Variants in AQR observed in about 807,000 individuals in gnomAD.
AQR encodes aquarius intron-binding spliceosomal factor, also known as RNA helicase aquarius.
AQR carries 61 observed loss-of-function variants against 180.5 expected under a neutral mutation model. That is an observed-to-expected ratio of 0.34 (90% CI 0.28 to 0.42). The LOEUF (loss-of-function observed/expected upper bound fraction) is 0.42. Ranked by LOEUF, AQR falls within the 10% of genes least tolerant of loss-of-function variation. The probability of loss-of-function intolerance (pLI) is 1.00; values close to 1 mark genes in which losing one functional copy is unlikely to be tolerated. For synonymous variants in AQR, 551 were observed against 588.8 expected (o/e 0.94, Z 0.93); for missense variants, 1,281 against 1,798.3 (o/e 0.71, Z 5.20).
intron 7 of AQR, among the ~76,000 whole-genome samples, chr15:34,941,553 A>G (rs926826649): frequency 6.6e-6 from 1 of 152,216 alleles, no homozygotes; most frequent in African/African-American, 2.4e-5. Context: ...AAGCATTACA[A>G]TGAAATCTGA....
Position 34,853,939 on chromosome 15 carries a change from T to A in AQR, c.*2853A>T, listed in dbSNP as rs1357180. 0.74 allele frequency: 112,631 copies of A among 151,998 alleles called. 42,028 individuals are homozygous for A. The highest frequency in any genetic ancestry group is 0.8 in the Middle Eastern group (236 of 294). 9.4% of individuals were successfully genotyped at this position (151,998 alleles called of 1,614,324 possible). The stretch of plus-strand genomic sequence containing the variant: ...AGTCCAAAGTGTGTTTTATAATATC[T>A]TGCTGTCTCTTGATCATTACAAAAT... On this transcript the variant is annotated 3_prime_UTR_variant, in exon 35 of 35. Transcript: ENST00000156471.
At position 34,893,606 on chromosome 15, in the gene AQR, T is replaced by TGCACGCAC. The variant is rs552071481; in HGVS notation, c.2571+56_2571+57insGTGCGTGC. On this transcript the variant is annotated intron_variant, in intron 23 of 34. Coordinates refer to ENST00000156471, the MANE Select transcript of AQR (RefSeq NM_014691.3). ...GCATACCCATGTGCATGCGCATGCG[T>TGCACGCAC]GCACACACACACACACACACACACA... 816 of 824,226 alleles carry TGCACGCAC rather than the reference T, an allele frequency of 9.9e-4. 1 individual carries two copies. The highest frequency in any genetic ancestry group is 8.3e-3 in the East Asian group (249 of 30,154). 51.1% of individuals were successfully genotyped at this position (824,226 alleles called of 1,614,324 possible). A position where few individuals can be genotyped will look rare whatever the true frequency, so the allele number is the denominator to read the frequency against.
intron 34 of AQR, among the ~76,000 whole-genome samples, chr15:34,859,047 G>C (rs1234243916): frequency 6.6e-6 from 1 of 152,138 alleles, no homozygotes; most frequent in Non-Finnish European, 1.5e-5. Context: ...AATCATAAAA[G>C]AACACTTTGA....
At position 34,959,890 on chromosome 15, in the gene AQR, C is replaced by A. The variant is rs1047553507; in HGVS notation, c.173+884G>T. On this transcript the variant is annotated intron_variant, in intron 3 of 34. Transcript: ENST00000156471. ...GTGCAGTGGCTAATGCCTGTAATCC[C>A]AGCACTTTGGAAGGCCAAGGCAGGT... Among the ~76,000 whole-genome samples the A allele has an allele frequency of 2.0e-4, 30 of 152,226 alleles. 1 individual carries two copies. The highest frequency in any genetic ancestry group is 6.0e-4 in the African/African-American group (25 of 41,466).
intron 32 of AQR, among the ~76,000 whole-genome samples, chr15:34,866,380 G>A (rs1892738680): frequency 6.6e-6 from 1 of 152,054 alleles, no homozygotes; most frequent in Non-Finnish European, 1.5e-5. Context: ...TGGGATAAAG[G>A]TATTTTTGCT....
chr15:34,929,342 A>C (rs1893813857), intron 12 of AQR, among the ~76,000 whole-genome samples: 1 of 152,094 alleles, frequency 6.6e-6, no homozygotes, highest in African/African-American at 2.4e-5. Flanking sequence ...TTAAGTCTTT[A>C]ATCCACCTTG....
rs769594051 is a variant in AQR, at chr15:34,862,882, G to A, written c.4014C>T (p.Phe1338=). 6.2e-7 allele frequency: 1 copy of A among 1,613,604 alleles called. No individual in the cohort carries two copies. The highest frequency in any genetic ancestry group is 1.1e-5 in the South Asian group (1 of 91,068). The change falls in exon 33 of 35, where the codon TTC becomes TTT. Residue 1338 remains phenylalanine, a synonymous_variant. Coordinates refer to ENST00000156471, the MANE Select transcript of AQR (RefSeq NM_014691.3). The part of the protein sequence containing the change: ...LHLHIIPTEP[F]PTTRKNGERP... ...GAAGTCCTACCTTTCTAGTAGTTGG[G>A]AAAGGTTCTGTTGGAATTATATGCA...
chr15:34,951,552 T>G (rs1036199387), intron 4 of AQR, among the ~76,000 whole-genome samples: 1 of 151,100 alleles, frequency 6.6e-6, no homozygotes, highest in South Asian at 2.1e-4. Flanking sequence ...ACACCTGTAA[T>G]CCCAGCTACT....
intron 18 of AQR, 150 bp from the exon 19 acceptor site, chr15:34,904,655 C>T: frequency 3.0e-6 from 2 of 657,802 alleles, no homozygotes; most frequent in East Asian, 6.2e-5. Context: ...TCCACTCACC[C>T]ACTTCAAATT....
At chr15:34,946,578 TG>T (rs1203741907) in intron 5 of AQR, among the ~76,000 whole-genome samples, 9 of 111,228 alleles carry the variant, frequency 8.1e-5, no homozygotes, top group South Asian at 6.1e-4. Flanking sequence ...GGGAGGGAGG[TG>T]GGGGGGGTCA....
At chr15:34,952,607 C>T (rs985988567) in intron 4 of AQR, among the ~76,000 whole-genome samples, 3 of 152,256 alleles carry the variant, frequency 2.0e-5, no homozygotes, top group Middle Eastern at 6.8e-3. Context: ...AATTTATTTC[C>T]ACTGATCACT....
intron 24 of AQR, among the ~76,000 whole-genome samples, chr15:34,888,761 A>C (rs1355217095): frequency 6.6e-6 from 1 of 152,192 alleles, no homozygotes; most frequent in African/African-American, 2.4e-5. Flanking sequence ...ACTAGCAAAA[A>C]GTTGTTTTAG....
chr15:34,954,193 A>C (rs968792381), intron 3 of AQR, among the ~76,000 whole-genome samples: 3 of 151,422 alleles, frequency 2.0e-5, no homozygotes, highest in Non-Finnish European at 4.4e-5. Context: ...CTAGGATTAC[A>C]GGCGTGAGCT....
In AQR at chr15:34,904,377, T is replaced by A; in HGVS notation, c.1960A>T (p.Asn654Tyr). The change falls in exon 19 of 35, where the codon AAT becomes TAT. Residue 654 changes from asparagine to tyrosine, a missense_variant. This residue lies in a region of AQR where 200 missense variants were observed against 293.4 expected (regional missense o/e 0.68). Coordinates refer to ENST00000156471, the MANE Select transcript of AQR (RefSeq NM_014691.3). ...TTTGGTTTTCTCCTCATTATTATAT[T>A]AAAAGTTTCATACACATCCTCTGCT... ...NGAEDVYETF[N>Y]IIMRRKPKEN... The A allele has an allele frequency of 6.2e-7, 1 of 1,605,766 alleles. No homozygotes were observed. The highest frequency in any genetic ancestry group is 8.5e-7 in the Non-Finnish European group (1 of 1,176,180).
chr15:34,917,217 G>A (rs1263553259), intron 15 of AQR, among the ~76,000 whole-genome samples: 1 of 152,176 alleles, frequency 6.6e-6, no homozygotes, highest in Middle Eastern at 3.4e-3. Flanking sequence ...TAGTGCACTG[G>A]GTCTATCGGA....
chr15:34,856,403 A>T lies in AQR; in HGVS notation c.*389T>A. On this transcript the variant is annotated 3_prime_UTR_variant, in exon 35 of 35. Transcript: ENST00000156471. The stretch of plus-strand genomic sequence containing the variant: ...ATTTGATAGTATAACAGAAGAAACA[A>T]GTTCCTTCCCAATTTGGACACTCAA... 1 of 397,424 alleles carries T rather than the reference A, an allele frequency of 2.5e-6. No homozygotes were observed. Among genetic ancestry groups the T allele is most frequent in the Non-Finnish European group, 4.4e-6 (1 of 225,806 alleles). 24.6% of individuals were successfully genotyped at this position (397,424 alleles called of 1,614,324 possible).
Position 34,944,442 on chromosome 15 carries a change from G to C in AQR, c.331-14C>G, listed in dbSNP as rs1015217806. On this transcript the variant is annotated splice_polypyrimidine_tract_variant and intron_variant, in intron 5 of 34. Coordinates refer to ENST00000156471, the MANE Select transcript of AQR (RefSeq NM_014691.3). Reference sequence around the variant, plus strand: ...CTTCTTAAAAATCTGAAAAGAAACAGAATAAAATTCATTTTGTATTGGCTT... The same window carrying C: ...CTTCTTAAAAATCTGAAAAGAAACACAATAAAATTCATTTTGTATTGGCTT... 1.9e-6 allele frequency: 3 copies of C among 1,585,140 alleles called. No individual in the cohort carries two copies. Among genetic ancestry groups the C allele is most frequent in the Admixed American group, 3.8e-5 (2 of 52,598 alleles).
intron 3 of AQR, among the ~76,000 whole-genome samples, chr15:34,955,875 C>G (rs886806754): frequency 6.7e-6 from 1 of 149,576 alleles, no homozygotes; most frequent in Non-Finnish European, 1.5e-5. Flanking sequence ...TGCCACTGCA[C>G]TCCAGCCTGG....
chr15:34,946,490 A>G, intron 5 of AQR, among the ~76,000 whole-genome samples: 1 of 125,598 alleles, frequency 8.0e-6, no homozygotes. Context: ...TGGGGGGGTC[A>G]GCCCCCCGCC....
Sources: gnomAD v4.1 joint callset for allele counts (sites outside exome capture counted in the v4.1 genomes callset) on GRCh38, gnomAD v4.1.1 for gene constraint, gnomAD v4.1.1 regional missense constraint, MANE v1.5 for transcripts, NCBI Gene and HGNC (gene_info 2026-07-23, HGNC 2026-07-21) for gene names.